Variants in GABBR2 observed in about 807,000 individuals in gnomAD.
The protein encoded by GABBR2 is G-protein coupled receptor 51.
In GABBR2, 23 loss-of-function variants were observed where a neutral mutation model predicts 105.6. That is an observed-to-expected ratio of 0.22 (90% CI 0.16 to 0.31). The LOEUF (loss-of-function observed/expected upper bound fraction) is 0.31. GABBR2 is among the 10% of genes least tolerant of loss of function. GABBR2 has a pLI of 1.00. For synonymous variants in GABBR2, 478 were observed against 499.7 expected (o/e 0.96, Z 0.58); for missense variants, 734 against 1,245.5 (o/e 0.59, Z 6.18).
chr9:98,701,563 C>T (rs1336886650), intron 1 of GABBR2, among the ~76,000 whole-genome samples: 1 of 152,108 alleles, frequency 6.6e-6, no homozygotes, highest in Admixed American at 6.5e-5. Flanking sequence ...AGACTCGAAT[C>T]GATGCACCTC....
chr9:98,509,938 C>T (rs1350725276), intron 3 of GABBR2, among the ~76,000 whole-genome samples: 2 of 151,938 alleles, frequency 1.3e-5, no homozygotes, highest in African/African-American at 2.4e-5. Context: ...AGATACTCCT[C>T]GAGAAGAGCA....
intron 3 of GABBR2, among the ~76,000 whole-genome samples, chr9:98,537,596 G>A (rs748115281): frequency 6.7e-5 from 10 of 149,042 alleles, no homozygotes; most frequent in Non-Finnish European, 1.2e-4. Context: ...ATCATGCCCA[G>A]TTAATTTTTG....
At chr9:98,658,805 T>A (rs2225558) in intron 1 of GABBR2, among the ~76,000 whole-genome samples, 107,355 of 152,070 alleles carry the variant, frequency 0.71, 38,887 homozygotes, top group Middle Eastern at 0.85. Flanking sequence ...CAAGCCACGT[T>A]AGTACTAGTC....
rs147542106 is a variant in GABBR2, at chr9:98,546,330, T to C, written c.460-4287A>G. On this transcript the variant is annotated intron_variant, in intron 2 of 18. Transcript: ENST00000259455. ...GGCTGAGAAGTTTGTTAAACTTTTT[T>C]CTATTGTCTCTGACCATTTCTTCAT... Among the ~76,000 whole-genome samples, 1,103 of 152,364 alleles carry C rather than the reference T, an allele frequency of 7.2e-3. 1 individual carries two copies. The highest frequency in any genetic ancestry group is 0.015 in the South Asian group (74 of 4,826).
intron 1 of GABBR2, among the ~76,000 whole-genome samples, chr9:98,640,474 C>A (rs1023099255): frequency 2.0e-5 from 3 of 152,100 alleles, no homozygotes; most frequent in Non-Finnish European, 4.4e-5. Flanking sequence ...TCCATGAAAC[C>A]ACTCTGATGC....
chr9:98,300,938 T>C (rs1019757787), intron 16 of GABBR2, among the ~76,000 whole-genome samples: 1 of 152,138 alleles, frequency 6.6e-6, no homozygotes, highest in Non-Finnish European at 1.5e-5. Flanking sequence ...GAAGCCTCCA[T>C]AAAAACTCAA....
chr9:98,295,925 A>T (rs1830373956), intron 17 of GABBR2, among the ~76,000 whole-genome samples: 1 of 152,222 alleles, frequency 6.6e-6, no homozygotes, highest in Non-Finnish European at 1.5e-5. Flanking sequence ...AGAGATTCCC[A>T]GGAACTAATC....
In GABBR2 at chr9:98,541,927, G is replaced by T; in HGVS notation, c.576C>A (p.His192Gln). 3.1e-6 allele frequency: 5 copies of T among 1,614,242 alleles called. No homozygotes were observed. Among genetic ancestry groups the T allele is most frequent in the Non-Finnish European group, 3.4e-6 (4 of 1,180,016 alleles). The change falls in exon 3 of 19, where the codon CAC (histidine) becomes CAA (glutamine). Residue 192 changes from histidine (H) to glutamine (Q), a missense_variant. This residue lies in a region of GABBR2 where 370 missense variants were observed against 648.9 expected (regional missense o/e 0.57). Coordinates refer to ENST00000259455, the MANE Select transcript of GABBR2 (RefSeq NM_005458.8). The stretch of plus-strand genomic sequence containing the variant: ...GCGTGCCCACGCGCTTCCACTGGTA[G>T]TGCTTGAGCAACTTCAGAATGGCTG... ...VNPAILKLLK[H>Q]YQWKRVGTLT...
At chr9:98,530,891 C>T (rs1198608190) in intron 3 of GABBR2, among the ~76,000 whole-genome samples, 1 of 152,176 alleles carries the variant, frequency 6.6e-6, no homozygotes, top group Non-Finnish European at 1.5e-5. Context: ...CATTTTCCTA[C>T]TCCCAAGGTC....
intron 2 of GABBR2, among the ~76,000 whole-genome samples, chr9:98,562,957 C>T (rs1453799521): frequency 6.6e-6 from 1 of 150,498 alleles, no homozygotes; most frequent in Non-Finnish European, 1.5e-5. Context: ...GTAATCCCAG[C>T]TACTTGGGGG....
chr9:98,414,466 CAGA>C (rs1430699505), intron 7 of GABBR2, among the ~76,000 whole-genome samples: 5 of 152,286 alleles, frequency 3.3e-5, no homozygotes, highest in Middle Eastern at 3.4e-3. Context: ...CAAGGCCACG[CAGA>C]ACCTTACCAG....
At chr9:98,683,667 G>A (rs190974570) in intron 1 of GABBR2, among the ~76,000 whole-genome samples, 4 of 150,936 alleles carry the variant, frequency 2.7e-5, no homozygotes, top group Admixed American at 1.3e-4. Flanking sequence ...TTGTTTAGAA[G>A]AGAAAAAAAA....
chr9:98,662,486 T>C (rs1262071582), intron 1 of GABBR2, among the ~76,000 whole-genome samples: 1 of 152,132 alleles, frequency 6.6e-6, no homozygotes, highest in Non-Finnish European at 1.5e-5. Flanking sequence ...CTTAGTAGCA[T>C]ATAAAGAAAC....
At chr9:98,630,657 G>C (rs995526373) in intron 1 of GABBR2, among the ~76,000 whole-genome samples, 13 of 152,130 alleles carry the variant, frequency 8.5e-5, no homozygotes, top group African/African-American at 3.1e-4. Context: ...AAAATTGGGA[G>C]ACCACTAGGA....
At chr9:98,535,465 C>CA (rs111401823) in intron 3 of GABBR2, among the ~76,000 whole-genome samples, 6,926 of 149,860 alleles carry the variant, frequency 0.046, 246 homozygotes, top group East Asian at 0.16. Context: ...AAAAATAACA[C>CA]AAAAAAAAAC....
chr9:98,299,485 T>G, intron 16 of GABBR2, 132 bp from the exon 17 acceptor site: 2 of 921,140 alleles, frequency 2.2e-6, no homozygotes, highest in Non-Finnish European at 3.4e-6. Flanking sequence ...TCAGAGGGGT[T>G]ACTGCATTTT....
chr9:98,669,201 T>G (rs1830376294), intron 1 of GABBR2, among the ~76,000 whole-genome samples: 1 of 152,200 alleles, frequency 6.6e-6, no homozygotes, highest in African/African-American at 2.4e-5. Flanking sequence ...TCACCAATAC[T>G]TGTCATTTTG....
At position 98,306,120 on chromosome 9, in the gene GABBR2, C is replaced by T; in HGVS notation, c.2229+1G>A. 1 of 1,611,800 alleles carries T rather than the reference C, an allele frequency of 6.2e-7. No homozygotes were observed. The highest frequency in any genetic ancestry group is 8.5e-7 in the Non-Finnish European group (1 of 1,178,130). ...CCAGGTGGTGGGGCCAGCGCCTGTA[C>T]CTTCGGCACGAATACCAGGCAGAGG... On this transcript the variant is annotated splice_donor_variant, in intron 15 of 18. Coordinates refer to ENST00000259455, the MANE Select transcript of GABBR2 (RefSeq NM_005458.8). LOFTEE classifies it high-confidence loss of function. This position sits in a 1 kb window ranked among gnomAD's most constrained non-coding sequence, Gnocchi z 5.4.
intron 16 of GABBR2, 148 bp from the exon 17 acceptor site, chr9:98,299,501 G>C (rs970708059): frequency 1.2e-6 from 1 of 801,192 alleles, no homozygotes; most frequent in African/African-American, 1.7e-5. Context: ...ATTTTGGTGA[G>C]GAGATGCAGA....
Sources: gnomAD v4.1 joint callset for allele counts (sites outside exome capture counted in the v4.1 genomes callset) on GRCh38, gnomAD v4.1.1 for gene constraint, gnomAD v4.1.1 regional missense constraint, Gnocchi (gnomAD v3.1) non-coding constraint, MANE v1.5 for transcripts, NCBI Gene and HGNC (gene_info 2026-07-23, HGNC 2026-07-21) for gene names.